AFAP1L1: variants seen among roughly 807,000 people sequenced by gnomAD.
AFAP1L1 encodes actin filament associated protein 1 like 1, also known as actin filament-associated protein 1-like 1.
A neutral mutation model predicts 99.8 loss-of-function variants in AFAP1L1; 77 were observed. The ratio of observed to expected loss-of-function variants is 0.77; its 90% CI spans 0.64 to 0.93. The LOEUF is 0.93. Among genes scored for constraint, AFAP1L1 ranks in the 40% least tolerant of loss-of-function variants. The pLI is 0.00. For synonymous variants in AFAP1L1, 373 were observed against 395.3 expected, an observed-to-expected ratio of 0.94 and a Z score of 0.67; for missense variants, 893 against 996.8, an observed-to-expected ratio of 0.90 and a Z score of 1.40.
At chr5:149,272,147 T>G (rs1172275515) in intron 1 of AFAP1L1, among the ~76,000 whole-genome samples, 163 bp downstream of exon 1, 1 of 152,024 alleles carries the variant, frequency 6.6e-6, no homozygotes, top group Non-Finnish European at 1.5e-5. Context: ...CAAAGGTGCC[T>G]TCGGCTGCCG....
chr5:149,310,245 T>C, intron 8 of AFAP1L1, 110 bp downstream of exon 8: 3 of 1,338,112 alleles, frequency 2.2e-6, no homozygotes, highest in South Asian at 3.1e-5. Context: ...GCTCAGTGCC[T>C]GAGCCCAAGT....
chr5:149,343,516 T>C lies in AFAP1L1; in HGVS notation c.*3486T>C, dbSNP rs956556263. Reference sequence around the variant, plus strand: ...GTCATTCAACAAATACTTGAGTACCTACTATACTAGATGTCAGAAATCAGT... The same window carrying C: ...GTCATTCAACAAATACTTGAGTACCCACTATACTAGATGTCAGAAATCAGT... On this transcript the variant is annotated 3_prime_UTR_variant, in exon 19 of 19. Transcript: ENST00000296721. 6.6e-6 allele frequency among the ~76,000 whole-genome samples: 1 copy of C among 152,128 alleles called. No homozygotes were observed. Among genetic ancestry groups the C allele is most frequent in the African/African-American group, 2.4e-5 (1 of 41,414 alleles).
At chr5:149,283,575 C>G (rs551318232) in intron 1 of AFAP1L1, among the ~76,000 whole-genome samples, 80 of 151,060 alleles carry the variant, frequency 5.3e-4, no homozygotes, top group Middle Eastern at 3.4e-3. Flanking sequence ...TCTTTTTTTT[C>G]AAAAAGCTGT....
At position 149,306,217 on chromosome 5, in the gene AFAP1L1, G is replaced by A. The variant is rs1025395333; in HGVS notation, c.437-89G>A. The A allele has an allele frequency of 7.3e-6, 8 of 1,102,146 alleles. No individual in the cohort carries two copies. The African/African-American group carries it at 1.1e-4, about 15-fold the overall frequency. The allele number at this position is 1,102,146 out of a possible 1,614,324, so 68.3% of individuals were successfully genotyped here. ...GTGCCTGCTGTCTCTTCCCTGAGGT[G>A]GAGCAGGGGTGTCAGGGTCTCCCCC... On this transcript the variant is annotated intron_variant, in intron 5 of 18. Coordinates refer to ENST00000296721, the MANE Select transcript of AFAP1L1 (RefSeq NM_152406.4).
At chr5:149,332,333 G>A (rs1251543670) in intron 16 of AFAP1L1, among the ~76,000 whole-genome samples, 7 of 152,118 alleles carry the variant, frequency 4.6e-5, no homozygotes, top group Non-Finnish European at 1.0e-4. Flanking sequence ...GGAGGCGGAG[G>A]TTGCAGTGAG....
chr5:149,281,904 G>C (rs1192639777), intron 1 of AFAP1L1, among the ~76,000 whole-genome samples: 1 of 152,196 alleles, frequency 6.6e-6, no homozygotes, highest in Non-Finnish European at 1.5e-5. Context: ...TTATCGATGA[G>C]GGGGTATAGC....
chr5:149,325,926 T>G (rs1438781818), intron 15 of AFAP1L1, among the ~76,000 whole-genome samples: 1 of 152,194 alleles, frequency 6.6e-6, no homozygotes, highest in Non-Finnish European at 1.5e-5. Context: ...AAGTCCCATC[T>G]TTTCATACTG....
chr5:149,335,873 G>T, intron 18 of AFAP1L1, 151 bp downstream of exon 18: 1 of 1,030,676 alleles, frequency 9.7e-7, no homozygotes, highest in South Asian at 1.7e-5. Flanking sequence ...CCTCAGAAGG[G>T]GTAATCCTCA....
Position 149,329,677 on chromosome 5 carries a change from T to C in AFAP1L1, c.1822T>C (p.Tyr608His), listed in dbSNP as rs1360645319. 1.2e-6 allele frequency: 2 copies of C among 1,613,290 alleles called. No homozygotes were observed. Among genetic ancestry groups the C allele is most frequent in the Non-Finnish European group, 1.7e-6 (2 of 1,179,766 alleles). ...VKRHASSANQ[Y>H]KYGKNRAEED... ...CCATATCTCTGCAGGTGCCAATCAATACAAGTATGGCAAGAACCGAGCCGA... is the reference window on the plus strand; with the variant it reads ...CCATATCTCTGCAGGTGCCAATCAACACAAGTATGGCAAGAACCGAGCCGA... Residue 608 changes from tyrosine to histidine, a missense_variant, in exon 16 of 19, where the codon TAC becomes CAC. Transcript: ENST00000296721.
In AFAP1L1 at chr5:149,320,288, T is replaced by G. The variant is rs1756914377; in HGVS notation, c.1626-103T>G. 3 of 1,164,462 alleles carry G rather than the reference T, an allele frequency of 2.6e-6. No homozygotes were observed. The highest frequency in any genetic ancestry group is 3.7e-5 in the Admixed American group (2 of 53,534). The allele number at this position is 1,164,462 out of a possible 1,614,324, so 72.1% of individuals were successfully genotyped here. A position where few individuals can be genotyped will look rare whatever the true frequency, so the allele number is the denominator to read the frequency against. The stretch of plus-strand genomic sequence containing the variant: ...GCTTTTACCAATCTTCTGATCTGCC[T>G]TAAGAGTTTCTGCCAGAATCAATGA... On this transcript the variant is annotated intron_variant, in intron 13 of 18. Transcript: ENST00000296721. The surrounding 1 kb of genome is among the most constrained non-coding windows in gnomAD (Gnocchi z 4.0).
chr5:149,315,721 C>A, intron 9 of AFAP1L1, 100 bp from the exon 10 acceptor site: 2 of 930,448 alleles, frequency 2.1e-6, no homozygotes, highest in East Asian at 2.6e-5. Context: ...AGCTAATTAT[C>A]ATGTGCTGGG....
intron 8 of AFAP1L1, among the ~76,000 whole-genome samples, chr5:149,311,770 G>A (rs1756637343): frequency 6.6e-6 from 1 of 152,178 alleles, no homozygotes; most frequent in Non-Finnish European, 1.5e-5. Context: ...ACTGTCCTCA[G>A]GCAACCCAAG....
intron 15 of AFAP1L1, among the ~76,000 whole-genome samples, chr5:149,329,301 T>A (rs1246077020): frequency 6.6e-6 from 1 of 152,152 alleles, no homozygotes; most frequent in African/African-American, 2.4e-5. Context: ...ATAAGGAAAC[T>A]AAGGTCAAGG....
At chr5:149,301,753 C>T (rs544478218) in intron 4 of AFAP1L1, among the ~76,000 whole-genome samples, 2 of 152,172 alleles carry the variant, frequency 1.3e-5, no homozygotes, top group Non-Finnish European at 2.9e-5. Flanking sequence ...GGAATTAGAG[C>T]AAGGGGCTCA....
At chr5:149,330,697 A>G (rs1055391862) in intron 16 of AFAP1L1, among the ~76,000 whole-genome samples, 4 of 152,184 alleles carry the variant, frequency 2.6e-5, no homozygotes, top group Non-Finnish European at 5.9e-5. Flanking sequence ...ATTTTCTGAG[A>G]GTCAGAACCA....
At chr5:149,319,765 C>A (rs753931433) in intron 13 of AFAP1L1, 38 bp downstream of exon 13, 11 of 1,604,378 alleles carry the variant, frequency 6.9e-6, no homozygotes, top group Non-Finnish European at 8.5e-6. Context: ...TGCCCAGGAC[C>A]TTTCCTGTCT....
intron 1 of AFAP1L1, among the ~76,000 whole-genome samples, chr5:149,297,236 G>A (rs1033496573): frequency 6.6e-6 from 1 of 152,224 alleles, no homozygotes. Context: ...TCCAGAACCT[G>A]TGTTTATTTG....
At chr5:149,333,394 C>T (rs1757312954) in intron 17 of AFAP1L1, among the ~76,000 whole-genome samples, 1 of 152,188 alleles carries the variant, frequency 6.6e-6, no homozygotes, top group Non-Finnish European at 1.5e-5. Flanking sequence ...GCTCCAGAGC[C>T]CTCCAGGGCA....
At chr5:149,309,271 AGATATGT>A (rs1330401142) in intron 7 of AFAP1L1, among the ~76,000 whole-genome samples, 1 of 152,214 alleles carries the variant, frequency 6.6e-6, no homozygotes, top group Non-Finnish European at 1.5e-5. Flanking sequence ...AGCTCTATTC[AGATATGT>A]GATTTCTGGC....
Sources: allele counts gnomAD v4.1 joint callset (sites outside exome capture counted in the v4.1 genomes callset), GRCh38; gene constraint gnomAD v4.1.1; non-coding constraint Gnocchi (gnomAD v3.1); transcripts MANE v1.5; gene names NCBI Gene and HGNC (gene_info 2026-07-23, HGNC 2026-07-21).